SBF2: variants seen among roughly 807,000 people sequenced by gnomAD.
The protein encoded by SBF2 is SET binding factor 2, also known as myotubularin-related protein 13.
Under a neutral mutation model 225.2 loss-of-function variants are expected in SBF2, and 112 were observed. That is an observed-to-expected ratio of 0.50 (90% CI 0.43 to 0.58). The LOEUF (loss-of-function observed/expected upper bound fraction) is 0.58, where lower values mean the gene tolerates loss of function less well. Ranked by LOEUF, SBF2 falls within the 20% of genes least tolerant of loss-of-function variation. The probability of loss-of-function intolerance (pLI) is 0.00; values close to 1 mark genes in which losing one functional copy is unlikely to be tolerated. For synonymous variants in SBF2, 763 were observed against 773.3 expected (o/e 0.99, Z 0.22); for missense variants, 1,996 against 2,206.2 (o/e 0.90, Z 1.91).
chr11:9,949,590 G>A (rs1865743127), intron 16 of SBF2, among the ~76,000 whole-genome samples: 1 of 152,064 alleles, frequency 6.6e-6, no homozygotes, highest in African/African-American at 2.4e-5. Context: ...GCATTACACT[G>A]AAAGAATCCT....
At chr11:9,991,835 T>C (rs1378919975) in intron 12 of SBF2, among the ~76,000 whole-genome samples, 3 of 152,148 alleles carry the variant, frequency 2.0e-5, no homozygotes, top group African/African-American at 7.2e-5. Flanking sequence ...AATTGATTAG[T>C]GAGAATGCCA....
Position 9,782,396 on chromosome 11 carries a change from AAAAT to A in SBF2, c.5320-762_5320-759del, listed in dbSNP as rs1852072122. Among the ~76,000 whole-genome samples, 4 of 152,298 alleles carry A rather than the reference AAAAT, an allele frequency of 2.6e-5. No homozygotes were observed. In the South Asian group the frequency reaches 8.3e-4, roughly 32 times the overall value. On this transcript the variant is annotated intron_variant, in intron 38 of 39. Transcript: ENST00000256190. ...GATGATCAACCTCATTAATCAAAGAAAAATAAATGACAATAAATGAGATTTCACT... is the reference window on the plus strand; with the variant it reads ...GATGATCAACCTCATTAATCAAAGAAAAATGACAATAAATGAGATTTCACT...
chr11:10,141,145 A>C (rs2135136074), intron 2 of SBF2, among the ~76,000 whole-genome samples: 1 of 152,304 alleles, frequency 6.6e-6, no homozygotes, highest in East Asian at 1.9e-4. Flanking sequence ...CCTGTGAATA[A>C]AAGCATAGAA....
chr11:9,837,545 A>C (rs1290251603), intron 26 of SBF2, among the ~76,000 whole-genome samples: 1 of 152,240 alleles, frequency 6.6e-6, no homozygotes, highest in East Asian at 1.9e-4. Flanking sequence ...ACTTGATCTT[A>C]ATGAATTGCT....
At chr11:10,231,721 G>T (rs545554915) in intron 1 of SBF2, among the ~76,000 whole-genome samples, 4 of 152,298 alleles carry the variant, frequency 2.6e-5, no homozygotes, top group East Asian at 1.9e-4. Context: ...CACCCCTACT[G>T]GGGGGTGCCT....
chr11:9,780,319 G>A lies in SBF2; in HGVS notation c.*99C>T. 1 of 1,038,282 alleles carries A rather than the reference G, an allele frequency of 9.6e-7. No homozygotes were observed. The highest frequency in any genetic ancestry group is 1.5e-6 in the Non-Finnish European group (1 of 683,740). 64.3% of individuals were successfully genotyped at this position (1,038,282 alleles called of 1,614,324 possible). A position where few individuals can be genotyped will look rare whatever the true frequency, so the allele number is the denominator to read the frequency against. On this transcript the variant is annotated 3_prime_UTR_variant, in exon 40 of 40. Transcript: ENST00000256190. ...TGGGCAGGAGAACCTCAGGCCCTGG[G>A]ATAACTTGTTGTCAGCTCCTCAAGG...
intron 14 of SBF2, among the ~76,000 whole-genome samples, chr11:9,967,393 G>A (rs975436189): frequency 4.7e-5 from 7 of 149,654 alleles, no homozygotes; most frequent in Admixed American, 2.0e-4. Flanking sequence ...AAAAAGAAAC[G>A]AAATGCTGAT....
intron 6 of SBF2, among the ~76,000 whole-genome samples, chr11:10,022,143 A>G (rs1948880898): frequency 6.6e-6 from 1 of 152,218 alleles, no homozygotes; most frequent in Admixed American, 6.5e-5. Flanking sequence ...TTTATTCAAT[A>G]AACATTGATG....
chr11:10,001,096 T>C, intron 7 of SBF2, 74 bp from the exon 8 acceptor site: 2 of 809,486 alleles, frequency 2.5e-6, no homozygotes, highest in Non-Finnish European at 4.2e-6. Context: ...CTTTATGCTG[T>C]GTTAAGTTTT....
intron 2 of SBF2, among the ~76,000 whole-genome samples, chr11:10,111,235 C>T (rs1014065901): frequency 4.6e-5 from 7 of 151,578 alleles, no homozygotes; most frequent in Admixed American, 3.3e-4. Context: ...CATGCTTGCT[C>T]CAAAAATTAA....
At chr11:9,784,665 C>G (rs1852253795) in intron 37 of SBF2, among the ~76,000 whole-genome samples, 1 of 152,210 alleles carries the variant, frequency 6.6e-6, no homozygotes, top group Non-Finnish European at 1.5e-5. Context: ...AGTAGCCATC[C>G]TTTGTGCCAT....
chr11:10,193,762 G>T (rs904158743), intron 2 of SBF2, 140 bp downstream of exon 2: 2 of 697,370 alleles, frequency 2.9e-6, no homozygotes, highest in Non-Finnish European at 5.2e-6. Context: ...TAGGAGGGAA[G>T]ATAACTATTT....
At chr11:9,894,707 G>A (rs752742867) in intron 17 of SBF2, among the ~76,000 whole-genome samples, 5 of 151,302 alleles carry the variant, frequency 3.3e-5, no homozygotes, top group Non-Finnish European at 7.4e-5. Flanking sequence ...TAGGCCAGGC[G>A]CAGTAGCTCA....
intron 1 of SBF2, among the ~76,000 whole-genome samples, chr11:10,207,951 C>G (rs918483975): frequency 1.3e-5 from 2 of 152,110 alleles, no homozygotes; most frequent in Non-Finnish European, 2.9e-5. Context: ...TTAAAGCTAT[C>G]AACAGTAATT....
chr11:10,232,987 A>G (rs1419462974), intron 1 of SBF2, among the ~76,000 whole-genome samples: 1 of 152,220 alleles, frequency 6.6e-6, no homozygotes, highest in Non-Finnish European at 1.5e-5. Context: ...TGCCATCTGC[A>G]TAACCCCAGT....
At chr11:10,175,668 G>C (rs1466820987) in intron 2 of SBF2, among the ~76,000 whole-genome samples, 3 of 150,306 alleles carry the variant, frequency 2.0e-5, no homozygotes, top group African/African-American at 7.4e-5. Flanking sequence ...GGACCTAACA[G>C]ACATCTACAG....
At chr11:10,009,746 A>AC (rs1210967817) in intron 6 of SBF2, among the ~76,000 whole-genome samples, 2 of 152,192 alleles carry the variant, frequency 1.3e-5, no homozygotes, top group Non-Finnish European at 2.9e-5. Context: ...TTACAGAATG[A>AC]TTTATAATCC....
At chr11:9,983,171 G>A (rs1947031755) in intron 13 of SBF2, among the ~76,000 whole-genome samples, 1 of 152,208 alleles carries the variant, frequency 6.6e-6, no homozygotes, top group Non-Finnish European at 1.5e-5. Flanking sequence ...ATAGCCTCGG[G>A]CAAGTTTTCA....
intron 16 of SBF2, among the ~76,000 whole-genome samples, chr11:9,908,735 T>A (rs1590401638): frequency 1.3e-5 from 2 of 151,936 alleles, no homozygotes; most frequent in Non-Finnish European, 2.9e-5. Context: ...TCTCACTCTG[T>A]CCCCCAGGCT....
Sources: allele counts gnomAD v4.1 joint callset (sites outside exome capture counted in the v4.1 genomes callset), GRCh38; gene constraint gnomAD v4.1.1; transcripts MANE v1.5; gene names NCBI Gene and HGNC (gene_info 2026-07-23, HGNC 2026-07-21).